Variants in TMEM132C observed in about 807,000 individuals in gnomAD.
TMEM132C encodes transmembrane protein 132C.
In TMEM132C, 29 loss-of-function variants were observed where a neutral mutation model predicts 61.4. The ratio of observed to expected loss-of-function variants is 0.47; its 90% CI spans 0.35 to 0.64. The LOEUF is 0.64. TMEM132C is among the 30% of genes least tolerant of loss of function. The pLI is 0.00. For synonymous variants in TMEM132C, 656 were observed against 633.1 expected (o/e 1.04, Z -0.54); for missense variants, 1,408 against 1,476.9 (o/e 0.95, Z 0.76).
intron 3 of TMEM132C, among the ~76,000 whole-genome samples, chr12:128,607,629 G>A (rs1383240026): frequency 6.6e-6 from 1 of 152,160 alleles, no homozygotes; most frequent in East Asian, 1.9e-4. Context: ...GACTAGGTGT[G>A]GCATGTGAAA....
At chr12:128,461,252 T>A (rs191440309) in intron 2 of TMEM132C, among the ~76,000 whole-genome samples, 351 of 152,010 alleles carry the variant, frequency 2.3e-3, no homozygotes, top group Non-Finnish European at 3.1e-3. Flanking sequence ...GCCGCAGGAG[T>A]CCAGACAAGG....
At chr12:128,550,557 G>T (rs1057245982) in intron 3 of TMEM132C, among the ~76,000 whole-genome samples, 1 of 152,030 alleles carries the variant, frequency 6.6e-6, no homozygotes, top group Admixed American at 6.6e-5. Context: ...CACCTACCTC[G>T]GCCTCCCAAA....
At chr12:128,629,021 A>G (rs1401873616) in intron 4 of TMEM132C, among the ~76,000 whole-genome samples, 1 of 152,248 alleles carries the variant, frequency 6.6e-6, no homozygotes, top group Non-Finnish European at 1.5e-5. Context: ...AGGAGGAAAG[A>G]AAATATTTTG....
rs972035247 is a variant in TMEM132C at position 128,324,319 on chromosome 12, A to G, written c.85+56832A>G. On this transcript the variant is annotated intron_variant, in intron 1 of 8. Transcript: ENST00000435159. ...AAAGTATGACATGCAAACCACTAGT[A>G]GTCTCCACCGGCCTAAAAGGAGAGG... Among the ~76,000 whole-genome samples, 5 of 152,210 alleles carry G rather than the reference A, an allele frequency of 3.3e-5. 1 individual carries two copies. Among genetic ancestry groups the G allele is most frequent in the Non-Finnish European group, 7.3e-5 (5 of 68,040 alleles).
At chr12:128,684,741 A>G (rs1414040928) in intron 5 of TMEM132C, among the ~76,000 whole-genome samples, 2 of 152,204 alleles carry the variant, frequency 1.3e-5, no homozygotes, top group Non-Finnish European at 2.9e-5. Flanking sequence ...GAGCATAGAC[A>G]TTGTCTCAGA....
chr12:128,565,521 T>A (rs1874665317), intron 3 of TMEM132C, among the ~76,000 whole-genome samples: 2 of 152,154 alleles, frequency 1.3e-5, no homozygotes, highest in Non-Finnish European at 2.9e-5. Flanking sequence ...AATAGGAAAA[T>A]GTAAATATAA....
At chr12:128,501,787 GA>G (rs1872190623) in intron 2 of TMEM132C, among the ~76,000 whole-genome samples, 1 of 152,212 alleles carries the variant, frequency 6.6e-6, no homozygotes, top group African/African-American at 2.4e-5. Flanking sequence ...GTATCCAGAT[GA>G]ACTTTTTGTA....
chr12:128,662,640 A>G (rs1456955055), intron 4 of TMEM132C, among the ~76,000 whole-genome samples: 1 of 152,174 alleles, frequency 6.6e-6, no homozygotes, highest in Non-Finnish European at 1.5e-5. Context: ...TTCCCCATCC[A>G]TAGACTAAGG....
intron 2 of TMEM132C, among the ~76,000 whole-genome samples, chr12:128,421,749 A>G (rs1350415296): frequency 6.6e-6 from 1 of 152,242 alleles, no homozygotes; most frequent in Non-Finnish European, 1.5e-5. Context: ...TCTTGTAGCT[A>G]TAACATTATT....
At chr12:128,484,435 A>G (rs757093007) in intron 2 of TMEM132C, among the ~76,000 whole-genome samples, 2 of 152,140 alleles carry the variant, frequency 1.3e-5, no homozygotes, top group Admixed American at 6.5e-5. Flanking sequence ...ATAGGCAGGT[A>G]CAATCTCTGG....
At chr12:128,677,626 A>G (rs1954602578) in intron 5 of TMEM132C, among the ~76,000 whole-genome samples, 2 of 152,078 alleles carry the variant, frequency 1.3e-5, no homozygotes, top group South Asian at 4.1e-4. Flanking sequence ...ACTGACACAC[A>G]ATACCCCACC....
At chr12:128,345,199 C>G (rs1175734129) in intron 1 of TMEM132C, among the ~76,000 whole-genome samples, 1 of 152,076 alleles carries the variant, frequency 6.6e-6, no homozygotes, top group East Asian at 1.9e-4. Context: ...GGATAATGGC[C>G]TCTAGCTCCA....
At chr12:128,347,397 G>GCC (rs1873193951) in intron 1 of TMEM132C, among the ~76,000 whole-genome samples, 6 of 135,424 alleles carry the variant, frequency 4.4e-5, no homozygotes, top group African/African-American at 1.5e-4. Context: ...GCATATGTAT[G>GCC]TCTCTCTCTC....
rs565958590 is a variant in TMEM132C, at chr12:128,520,927, T to C, written c.975-23030T>C. 1.5e-3 allele frequency among the ~76,000 whole-genome samples: 232 copies of C among 152,270 alleles called. 7 individuals carry two copies. The South Asian group carries it at 0.047, about 31-fold the overall frequency. ...TGTGTGTTTGTTCCCGTGTGTTTTCTTTGCAGCTGCAGGAACATCCCCTGA... is the reference window on the plus strand; with the variant it reads ...TGTGTGTTTGTTCCCGTGTGTTTTCCTTGCAGCTGCAGGAACATCCCCTGA... On this transcript the variant is annotated intron_variant, in intron 2 of 8. Coordinates refer to ENST00000435159, the MANE Select transcript of TMEM132C (RefSeq NM_001136103.3).
At chr12:128,610,724 T>G (rs1465539706) in intron 3 of TMEM132C, among the ~76,000 whole-genome samples, 1 of 152,232 alleles carries the variant, frequency 6.6e-6, no homozygotes, top group Non-Finnish European at 1.5e-5. Context: ...GGAAAGGCAC[T>G]GACCACAGAA....
Position 128,693,978 on chromosome 12 carries a change from T to C in TMEM132C, c.1599T>C (p.Ser533=). The C allele has an allele frequency of 1.3e-6, 2 of 1,551,780 alleles. No homozygotes were observed. The highest frequency in any genetic ancestry group is 1.7e-6 in the Non-Finnish European group (2 of 1,147,020). The part of the protein sequence containing the change: ...VPRLPLQIEV[S]DTELSQIKGW... ...GGCTGCCCCTGCAGATCGAGGTCTC[T>C]GACACGGAGCTCAGCCAGATAAAGG... Residue 533 remains serine (S), a synonymous_variant, in exon 6 of 9, where the codon TCT becomes TCC. Coordinates refer to ENST00000435159, the MANE Select transcript of TMEM132C (RefSeq NM_001136103.3).
chr12:128,700,247 G>A (rs1398841408), intron 8 of TMEM132C, among the ~76,000 whole-genome samples: 1 of 152,190 alleles, frequency 6.6e-6, no homozygotes, highest in African/African-American at 2.4e-5. Context: ...CTCTTGAAAG[G>A]ATAGAGCTCT....
At chr12:128,485,567 T>G (rs1871462881) in intron 2 of TMEM132C, among the ~76,000 whole-genome samples, 1 of 146,856 alleles carries the variant, frequency 6.8e-6, no homozygotes, top group East Asian at 1.9e-4. Context: ...GGAGACATTT[T>G]TGGTTGCCAC....
At chr12:128,317,812 G>A (rs1872201067) in intron 1 of TMEM132C, among the ~76,000 whole-genome samples, 1 of 152,216 alleles carries the variant, frequency 6.6e-6, no homozygotes, top group African/African-American at 2.4e-5. Context: ...TTGAACCTGG[G>A]AGGCAGAGGT....
Sources: gnomAD v4.1 joint callset for allele counts (sites outside exome capture counted in the v4.1 genomes callset) on GRCh38, gnomAD v4.1.1 for gene constraint, MANE v1.5 for transcripts, NCBI Gene and HGNC (gene_info 2026-07-23, HGNC 2026-07-21) for gene names.